Variants in RGL1 observed in about 807,000 individuals in gnomAD.
The protein encoded by RGL1 is ral guanine nucleotide dissociation stimulator-like 1.
Under a neutral mutation model 95.2 loss-of-function variants are expected in RGL1, and 24 were observed. The observed-to-expected ratio is 0.25, with a 90% CI of 0.18 to 0.35. The LOEUF (loss-of-function observed/expected upper bound fraction) is 0.35, where lower values mean the gene tolerates loss of function less well. RGL1 is among the 10% of genes least tolerant of loss of function. The pLI is 1.00. For missense variants in RGL1, 715 were observed against 936.3 expected (o/e 0.76, Z 3.08); for synonymous variants, 329 against 344.9 (o/e 0.95, Z 0.51).
chr1:183,655,680 G>C (rs1651105269), intron 1 of RGL1, among the ~76,000 whole-genome samples: 1 of 152,212 alleles, frequency 6.6e-6, no homozygotes, highest in African/African-American at 2.4e-5. Flanking sequence ...TGGCAGCACA[G>C]TCTTAACAGC....
chr1:183,742,232 G>A (rs199667660), exon 2 of RGL1: 45 of 1,614,098 alleles, frequency 2.8e-5, no homozygotes, highest in South Asian at 7.7e-5. Flanking sequence ...TAGAAAGCAC[G>A]GGACACTGGC....
chr1:183,903,198 A>C (rs2102703362), intron 12 of RGL1, among the ~76,000 whole-genome samples: 1 of 152,300 alleles, frequency 6.6e-6, no homozygotes, highest in East Asian at 1.9e-4. Flanking sequence ...GTTTCTGATG[A>C]GTAAATGACA....
intron 1 of RGL1, among the ~76,000 whole-genome samples, chr1:183,704,751 G>C (rs1654801560): frequency 6.6e-6 from 1 of 152,214 alleles, no homozygotes; most frequent in African/African-American, 2.4e-5. Flanking sequence ...GTTGGGCAGA[G>C]ATGAGACTTA....
At chr1:183,885,709 G>C (rs182530496) in intron 7 of RGL1, among the ~76,000 whole-genome samples, 1 of 152,164 alleles carries the variant, frequency 6.6e-6, no homozygotes, top group Admixed American at 6.6e-5. Flanking sequence ...GGACATACTA[G>C]GATAGAGCAT....
chr1:183,816,089 G>A (rs956669614), intron 2 of RGL1, among the ~76,000 whole-genome samples: 2 of 152,162 alleles, frequency 1.3e-5, no homozygotes, highest in Non-Finnish European at 2.9e-5. Flanking sequence ...AACATCTATT[G>A]TATTTTATCT....
At chr1:183,640,181 G>A (rs1476407676) in intron 1 of RGL1, among the ~76,000 whole-genome samples, 2 of 152,154 alleles carry the variant, frequency 1.3e-5, no homozygotes, top group African/African-American at 2.4e-5. Flanking sequence ...CACATAAACT[G>A]CTTGGAAACA....
intron 2 of RGL1, among the ~76,000 whole-genome samples, chr1:183,760,598 C>T (rs1277547185): frequency 3.2e-5 from 4 of 125,080 alleles, no homozygotes; most frequent in African/African-American, 8.9e-5. Flanking sequence ...AAAAAACAAA[C>T]CTGGGTGTGG....
intron 2 of RGL1, among the ~76,000 whole-genome samples, chr1:183,758,267 G>T (rs1658465337): frequency 6.6e-6 from 1 of 151,866 alleles, no homozygotes; most frequent in Non-Finnish European, 1.5e-5. Context: ...CACGATCTTG[G>T]TTCACTGCAA....
At chr1:183,865,237 G>A (rs1210278448) in intron 3 of RGL1, among the ~76,000 whole-genome samples, 2 of 152,190 alleles carry the variant, frequency 1.3e-5, no homozygotes, top group African/African-American at 4.8e-5. Flanking sequence ...AGCTAGCAGT[G>A]TAAGTAGGGA....
At chr1:183,674,248 TG>T (rs1189693707) in intron 1 of RGL1, among the ~76,000 whole-genome samples, 1 of 152,218 alleles carries the variant, frequency 6.6e-6, no homozygotes, top group Admixed American at 6.5e-5. Flanking sequence ...CACTTGTTAC[TG>T]AGTATGTAAA....
chr1:183,645,085 C>G (rs1015061675), intron 1 of RGL1, among the ~76,000 whole-genome samples: 5 of 152,188 alleles, frequency 3.3e-5, no homozygotes, highest in Non-Finnish European at 7.3e-5. Context: ...TAGCACTAAA[C>G]ATTTGAGTCA....
chr1:183,637,558 T>G (rs1306385602), intron 1 of RGL1, among the ~76,000 whole-genome samples: 1 of 152,188 alleles, frequency 6.6e-6, no homozygotes, highest in Non-Finnish European at 1.5e-5. Flanking sequence ...ATATATAATG[T>G]GTGTATATTT....
intron 2 of RGL1, among the ~76,000 whole-genome samples, chr1:183,768,860 C>A (rs1659130964): frequency 6.6e-6 from 1 of 152,132 alleles, no homozygotes; most frequent in South Asian, 2.1e-4. Flanking sequence ...TCTTAGTATC[C>A]TTAAGTTTTA....
chr1:183,763,973 T>C (rs1284334858), intron 2 of RGL1, among the ~76,000 whole-genome samples: 1 of 152,232 alleles, frequency 6.6e-6, no homozygotes, highest in Non-Finnish European at 1.5e-5. Context: ...GAATTTGTAC[T>C]GGGTGACACA....
chr1:183,662,477 T>G (rs1311832369), intron 1 of RGL1, among the ~76,000 whole-genome samples: 1 of 151,830 alleles, frequency 6.6e-6, no homozygotes, highest in African/African-American at 2.4e-5. Context: ...TCAAAGAGAA[T>G]AAAATACCTA....
chr1:183,765,717 A>G (rs1658927542), intron 2 of RGL1, among the ~76,000 whole-genome samples: 2 of 152,182 alleles, frequency 1.3e-5, no homozygotes, highest in South Asian at 2.1e-4. Flanking sequence ...GAACTCTCCC[A>G]AGGAAGCCCT....
chr1:183,742,219 A>G lies in RGL1; in HGVS notation c.62A>G (p.Lys21Arg), dbSNP rs1369212636. 5.6e-6 allele frequency: 9 copies of G among 1,613,966 alleles called. No homozygotes were observed. The South Asian group carries it at 8.8e-5, about 16-fold the overall frequency. ...GTGTCTAAATTCAAACTTTCCACCA[A>G]GGTAGAAAGCACGGGACACTGGCTG... Residue 21 changes from lysine to arginine, a missense_variant, in exon 2 of 19, where the codon AAG becomes AGG. Transcript: ENST00000304685.
chr1:183,749,471 G>A (rs1657860195), intron 2 of RGL1, among the ~76,000 whole-genome samples: 1 of 152,112 alleles, frequency 6.6e-6, no homozygotes, highest in South Asian at 2.1e-4. Flanking sequence ...TGTGAGATGG[G>A]TCTCCTGAAT....
chr1:183,647,652 G>A (rs1304726468), intron 1 of RGL1: 1 of 1,553,230 alleles, frequency 6.4e-7, no homozygotes, highest in East Asian at 2.3e-5. Context: ...CTTGGTAATT[G>A]GTTTCATGCT....
Sources: allele counts gnomAD v4.1 joint callset (sites outside exome capture counted in the v4.1 genomes callset), GRCh38; gene constraint gnomAD v4.1.1; transcripts MANE v1.5; gene names NCBI Gene and HGNC (gene_info 2026-07-23, HGNC 2026-07-21).